CACNB3: variants seen among roughly 807,000 people sequenced by gnomAD.
CACNB3 encodes the protein calcium voltage-gated channel auxiliary subunit beta 3.
CACNB3 carries 36 observed loss-of-function variants against 63.7 expected under a neutral mutation model. That is an observed-to-expected ratio of 0.57 (90% CI 0.43 to 0.75). CACNB3 has a LOEUF of 0.75. Among genes scored for constraint, CACNB3 ranks in the 30% least tolerant of loss-of-function variants. The probability of loss-of-function intolerance (pLI) is 0.00; values close to 1 mark genes in which losing one functional copy is unlikely to be tolerated. For synonymous variants in CACNB3, 241 were observed against 250.6 expected (o/e 0.96, Z 0.36); for missense variants, 493 against 648.6 (o/e 0.76, Z 2.61).
At chr12:48,819,228 G>A (rs1417392009) in intron 1 of CACNB3, among the ~76,000 whole-genome samples, 1 of 152,036 alleles carries the variant, frequency 6.6e-6, no homozygotes, top group Non-Finnish European at 1.5e-5. Flanking sequence ...GTGGCTCCAC[G>A]GCCCAGGAAA....
At position 48,818,902 on chromosome 12, in the gene CACNB3, C is replaced by G. The variant is rs779872132; in HGVS notation, c.-28C>G. 3.9e-6 allele frequency: 6 copies of G among 1,555,390 alleles called. No individual in the cohort carries two copies. Among genetic ancestry groups the G allele is most frequent in the South Asian group, 2.4e-5 (2 of 83,934 alleles). On this transcript the variant is annotated 5_prime_UTR_variant, in exon 1 of 13. Coordinates refer to ENST00000301050, the MANE Select transcript of CACNB3 (RefSeq NM_000725.4). This position sits in a 1 kb window ranked among gnomAD's most constrained non-coding sequence, Gnocchi z 4.3. ...TCCGGGCCGCTCCCGCCCCCGGCGCCGCTCGCTCCCCCGACCCGGACTCCC... is the reference window on the plus strand; with the variant it reads ...TCCGGGCCGCTCCCGCCCCCGGCGCGGCTCGCTCCCCCGACCCGGACTCCC...
chr12:48,817,093 C>G (rs1942304112), upstream of CACNB3: 2 of 744,258 alleles, frequency 2.7e-6, no homozygotes, highest in Non-Finnish European at 1.6e-6. Context: ...GGAGAGGAGA[C>G]AGTCCCTTCA....
upstream of CACNB3, chr12:48,814,773 G>A: frequency 2.2e-6 from 1 of 460,256 alleles, no homozygotes; most frequent in Non-Finnish European, 3.8e-6. The surrounding 1 kb of genome is among the most constrained non-coding windows in gnomAD (Gnocchi z 6.9). Context: ...CCGCCTGCTG[G>A]CAGGGCCGGA....
In CACNB3 at chr12:48,826,690, C is replaced by T; in HGVS notation, c.895-69C>T. 2 of 1,466,472 alleles carry T rather than the reference C, an allele frequency of 1.4e-6. No homozygotes were observed. The highest frequency in any genetic ancestry group is 1.9e-6 in the Non-Finnish European group (2 of 1,047,424). The allele number at this position is 1,466,472 out of a possible 1,614,324, so 90.8% of individuals were successfully genotyped here. A position where few individuals can be genotyped will look rare whatever the true frequency, so the allele number is the denominator to read the frequency against. On this transcript the variant is annotated intron_variant, in intron 10 of 12. Coordinates refer to ENST00000301050, the MANE Select transcript of CACNB3 (RefSeq NM_000725.4). This position sits in a 1 kb window ranked among gnomAD's most constrained non-coding sequence, Gnocchi z 4.8. ...TGCCACAAGTGGAAGAAATGCCTAGCTCTGCCCGGGCTCAGCTCTGCCCAG... is the reference window on the plus strand; with the variant it reads ...TGCCACAAGTGGAAGAAATGCCTAGTTCTGCCCGGGCTCAGCTCTGCCCAG...
At chr12:48,827,212 T>C in intron 12 of CACNB3, 89 bp downstream of exon 12, 1 of 1,468,194 alleles carries the variant, frequency 6.8e-7, no homozygotes, top group East Asian at 2.3e-5. Flanking sequence ...TGGCCTCCAG[T>C]TCAGCATGCC....
Position 48,827,807 on chromosome 12 carries a change from C to T in CACNB3, c.1363C>T (p.Pro455Ser). The T allele has an allele frequency of 6.2e-7, 1 of 1,614,182 alleles. No homozygotes were observed. Among genetic ancestry groups the T allele is most frequent in the Admixed American group, 1.7e-5 (1 of 60,034 alleles). The change falls in exon 13 of 13, where the codon CCC (proline) becomes TCC (serine). Residue 455 changes from proline (P) to serine (S), a missense_variant. By Grantham distance (74) the Pro-to-Ser change is moderately conservative. Coordinates refer to ENST00000301050, the MANE Select transcript of CACNB3 (RefSeq NM_000725.4). The part of the protein sequence containing the change: ...SGLPSANGHD[P>S]QDRLLAQDSE... Reference sequence around the variant, plus strand: ...GCTGCCTAGTGCTAACGGGCATGACCCCCAAGACCGGCTTCTAGCCCAGGA... The same window carrying T: ...GCTGCCTAGTGCTAACGGGCATGACTCCCAAGACCGGCTTCTAGCCCAGGA...
At chr12:48,814,629 AGCCT>A (rs539372151), upstream of CACNB3, 664 of 1,397,966 alleles carry the variant, frequency 4.7e-4, 5 homozygotes, top group African/African-American at 8.9e-3. This position sits in a 1 kb window ranked among gnomAD's most constrained non-coding sequence, Gnocchi z 6.9. Context: ...AGTAGAGCGC[AGCCT>A]GGGGTCTCCT....
Position 48,827,983 on chromosome 12 carries a change from T to C in CACNB3, c.*84T>C. 8.4e-7 allele frequency: 1 copy of C among 1,193,616 alleles called. No individual in the cohort carries two copies. Among genetic ancestry groups the C allele is most frequent in the African/African-American group, 1.5e-5 (1 of 66,638 alleles). The allele number at this position is 1,193,616 out of a possible 1,614,324, so 73.9% of individuals were successfully genotyped here. On this transcript the variant is annotated 3_prime_UTR_variant, in exon 13 of 13. Coordinates refer to ENST00000301050, the MANE Select transcript of CACNB3 (RefSeq NM_000725.4). ...CAGGCAGGGTGGCGTTAGACTGGCATCAGGCTGGCACTAGGCTCAGCCCCC... is the reference window on the plus strand; with the variant it reads ...CAGGCAGGGTGGCGTTAGACTGGCACCAGGCTGGCACTAGGCTCAGCCCCC...
upstream of CACNB3, chr12:48,814,823 C>T: frequency 2.6e-6 from 1 of 378,060 alleles, no homozygotes. This position sits in a 1 kb window ranked among gnomAD's most constrained non-coding sequence, Gnocchi z 6.9. Context: ...GGTGCCGCCA[C>T]CTGGAGGGCG....
chr12:48,827,461 C>T, intron 12 of CACNB3, 124 bp from the exon 13 acceptor site: 1 of 982,126 alleles, frequency 1.0e-6, no homozygotes, highest in Non-Finnish European at 1.5e-6. Flanking sequence ...CTCCAGCATG[C>T]TTTTTCCTTG....
upstream of CACNB3, among the ~76,000 whole-genome samples, chr12:48,817,654 A>G (rs548292013): frequency 7.7e-4 from 118 of 152,314 alleles, no homozygotes; most frequent in African/African-American, 2.8e-3. Flanking sequence ...GCTCCTGTAA[A>G]GGAGACTGAG....
chr12:48,822,731 G>A (rs1162147301), intron 1 of CACNB3, among the ~76,000 whole-genome samples: 1 of 152,200 alleles, frequency 6.6e-6, no homozygotes, highest in Non-Finnish European at 1.5e-5. Context: ...CTAGGAGCTG[G>A]CAGCTTTGTG....
rs1032521823 is a variant in CACNB3 at position 48,828,923 on chromosome 12, A to G, written c.*1024A>G. The G allele has an allele frequency of 2.7e-6, 1 of 367,418 alleles. No individual in the cohort carries two copies. Among genetic ancestry groups the G allele is most frequent in the South Asian group, 2.0e-5 (1 of 49,534 alleles). The allele number at this position is 367,418 out of a possible 1,614,324, so 22.8% of individuals were successfully genotyped here. A position where few individuals can be genotyped will look rare whatever the true frequency, so the allele number is the denominator to read the frequency against. On this transcript the variant is annotated 3_prime_UTR_variant, in exon 13 of 13. Coordinates refer to ENST00000301050, the MANE Select transcript of CACNB3 (RefSeq NM_000725.4). ...CTGCCTCACCTCACTGTCATCACTA[A>G]TAAACATCATGCACAGTCCCTCCGG...
intron 12 of CACNB3, 147 bp downstream of exon 12, chr12:48,827,270 G>A (rs957057850): frequency 1.8e-5 from 18 of 1,021,822 alleles, no homozygotes; most frequent in African/African-American, 3.2e-5. Flanking sequence ...TAGCACAGAC[G>A]GGCAAAGGAA....
At chr12:48,815,374 T>C (rs1846820061), upstream of CACNB3, 1 of 433,806 alleles carries the variant, frequency 2.3e-6, no homozygotes, top group Non-Finnish European at 4.2e-6. Context: ...GGAAGGACAG[T>C]GGGAGGCACA....
upstream of CACNB3, chr12:48,815,473 G>A: frequency 8.5e-7 from 1 of 1,182,788 alleles, no homozygotes; most frequent in East Asian, 2.6e-5. Flanking sequence ...GACTGACAGA[G>A]GCGGCGAGAA....
At chr12:48,815,742 GGGTGTGGGGT>G, upstream of CACNB3, 1 of 1,402,988 alleles carries the variant, frequency 7.1e-7, no homozygotes, top group Non-Finnish European at 9.7e-7. Context: ...ACCGTGGGGG[GGGTGTGGGGT>G]CGTGGGAAGG....
upstream of CACNB3, chr12:48,815,778 T>C: frequency 1.9e-6 from 2 of 1,037,890 alleles, no homozygotes; most frequent in Non-Finnish European, 2.8e-6. Flanking sequence ...CCCCACTGGG[T>C]GGGAGGAGAG....
chr12:48,822,775 C>G (rs1221775823), intron 1 of CACNB3, among the ~76,000 whole-genome samples: 1 of 152,166 alleles, frequency 6.6e-6, no homozygotes, highest in Non-Finnish European at 1.5e-5. Flanking sequence ...TAAGGGCTCA[C>G]CATTTGGGAG....
Sources: allele counts gnomAD v4.1 joint callset (sites outside exome capture counted in the v4.1 genomes callset), GRCh38; gene constraint gnomAD v4.1.1; non-coding constraint Gnocchi (gnomAD v3.1); transcripts MANE v1.5; gene names NCBI Gene and HGNC (gene_info 2026-07-23, HGNC 2026-07-21).